The following RHPN1 variants were observed in gnomAD, a reference collection of about 807,000 sequenced individuals.
RHPN1 encodes the protein rhophilin-1.
Under a neutral mutation model 74.7 loss-of-function variants are expected in RHPN1, and 77 were observed. The observed-to-expected ratio is 1.03, with a 90% confidence interval of 0.86 to 1.25. The LOEUF is 1.25. Ranked by LOEUF, RHPN1 falls within the 50% of genes most tolerant of loss-of-function variation. The pLI is 0.00. For missense variants in RHPN1, 987 were observed against 932.2 expected (o/e 1.06, Z -0.77); for synonymous variants, 444 against 414.5 (o/e 1.07, Z -0.87).
upstream of RHPN1, among the ~76,000 whole-genome samples, chr8:143,365,463 G>A (rs1165815132): frequency 6.6e-6 from 1 of 152,154 alleles, no homozygotes; most frequent in African/African-American, 2.4e-5. Context: ...AGCTTGACCG[G>A]GCTCTGCAGA....
intron 2 of RHPN1, 93 bp downstream of exon 2, chr8:143,375,761 G>A (rs1047190004): frequency 6.7e-6 from 6 of 899,912 alleles, no homozygotes; most frequent in South Asian, 1.6e-5. Flanking sequence ...CCCCATGGCC[G>A]GGTCACAGAG....
intron 3 of RHPN1, among the ~76,000 whole-genome samples, 159 bp downstream of exon 3, chr8:143,376,812 GTGTC>G (rs1487569372): frequency 7.3e-5 from 11 of 150,330 alleles, no homozygotes; most frequent in South Asian, 4.2e-4. Flanking sequence ...CTGTGCGCGT[GTGTC>G]TGTGTGCATG....
Position 143,368,937 on chromosome 8 carries a change from G to A in RHPN1, c.-51G>A. 7.2e-7 allele frequency: 1 copy of A among 1,392,806 alleles called. No individual in the cohort carries two copies. The highest frequency in any genetic ancestry group is 1.5e-5 in the African/African-American group (1 of 65,636). The allele number at this position is 1,392,806 out of a possible 1,614,324, so 86.3% of individuals were successfully genotyped here. ...CTAGCCCGGCTGCGGAGCGCTGCGCGAGCGGCGGGCTGGCTGACCCCGAGG... is the reference window on the plus strand; with the variant it reads ...CTAGCCCGGCTGCGGAGCGCTGCGCAAGCGGCGGGCTGGCTGACCCCGAGG... On this transcript the variant is annotated 5_prime_UTR_variant, in exon 1 of 15. Transcript: ENST00000289013.
At chr8:143,368,834 G>C, upstream of RHPN1, 1 of 401,054 alleles carries the variant, frequency 2.5e-6, no homozygotes. Flanking sequence ...CGCGCCGCGG[G>C]CCGCCCCCAC....
intron 1 of RHPN1, among the ~76,000 whole-genome samples, chr8:143,369,835 G>A (rs1363703171): frequency 6.6e-6 from 1 of 152,258 alleles, no homozygotes; most frequent in East Asian, 1.9e-4. Context: ...CCTCTGGGAC[G>A]TCAGACTGTG....
chr8:143,368,631 A>G (rs542648448), upstream of RHPN1: 7 of 175,970 alleles, frequency 4.0e-5, no homozygotes, highest in Non-Finnish European at 7.2e-5. Flanking sequence ...CATGCGCAGT[A>G]CAACCTGCCA....
In RHPN1 at chr8:143,380,058, C is replaced by T; in HGVS notation, c.1103-4C>T. 1 of 1,544,314 alleles carries T rather than the reference C, an allele frequency of 6.5e-7. No individual in the cohort carries two copies. The highest frequency in any genetic ancestry group is 8.7e-7 in the Non-Finnish European group (1 of 1,144,092). On this transcript the variant is annotated splice_polypyrimidine_tract_variant and splice_region_variant and intron_variant, in intron 9 of 14. Coordinates refer to ENST00000289013, the MANE Select transcript of RHPN1 (RefSeq NM_052924.3). ...GCAGGGCTCACAGCCTCTCTGTCCC[C>T]CAGCAGCGACCGAGGGAGAGCTCCC...
At position 143,369,360 on chromosome 8, in the gene RHPN1, C is replaced by G. The variant is rs988398756; in HGVS notation, c.60+313C>G. ...GGGGCTGGGCTCTGTGAGCGCCCTC[C>G]CCACACCCGCCATCGTGTTCCTTTC... is the stretch of plus-strand genomic sequence containing the variant. On this transcript the variant is annotated intron_variant, in intron 1 of 14. Transcript: ENST00000289013. Among the ~76,000 whole-genome samples the G allele has an allele frequency of 7.2e-5, 11 of 152,320 alleles. No individual in the cohort carries two copies. In the South Asian group the frequency reaches 1.7e-3, roughly 23 times the overall value.
intron 1 of RHPN1, chr8:143,374,076 A>G (rs1039158694): frequency 1.0e-6 from 1 of 964,500 alleles, no homozygotes; most frequent in African/African-American, 1.8e-5. Context: ...TAATGGGAAT[A>G]AACTAATTAA....
At chr8:143,368,815 C>T (rs2130524156), upstream of RHPN1, 2 of 364,626 alleles carry the variant, frequency 5.5e-6, no homozygotes, top group East Asian at 8.8e-5. Context: ...GACCCGTGCC[C>T]CGCCCAGCCG....
In RHPN1 at chr8:143,380,145, C is replaced by T. The variant is rs1818613455; in HGVS notation, c.1186C>T (p.Pro396Ser). The T allele has an allele frequency of 6.5e-7, 1 of 1,548,116 alleles. No homozygotes were observed. The highest frequency in any genetic ancestry group is 8.7e-7 in the Non-Finnish European group (1 of 1,147,106). Residue 396 changes from proline to serine, a missense_variant, in exon 10 of 15, where the codon CCG becomes TCG. Physicochemically the swap from Pro to Ser is moderately conservative, Grantham distance 74. Transcript: ENST00000289013. ...CTCTAAGCCCCGAGGCCCTGTGCTG[C>T]CGCAGGAGCTGGAGGAGCGCAGGCA... is the stretch of plus-strand genomic sequence containing the variant. ...TSSKPRGPVL[P>S]QELEERRQLG...
upstream of RHPN1, chr8:143,368,867 G>C (rs373851258): frequency 1.1e-4 from 68 of 605,928 alleles, 1 homozygote; most frequent in East Asian, 1.1e-3. Context: ...GTCGGGGACC[G>C]GCGCGGGCAC....
intron 7 of RHPN1, 58 bp downstream of exon 7, chr8:143,379,136 C>G (rs967266321): frequency 2.1e-6 from 3 of 1,440,380 alleles, no homozygotes; most frequent in Non-Finnish European, 2.7e-6. Flanking sequence ...TTGCAGAGCC[C>G]CTTTTGCAGG....
rs1439918605 is a variant in RHPN1, at chr8:143,368,959, G to T, written c.-29G>T. On this transcript the variant is annotated 5_prime_UTR_variant, in exon 1 of 15. Transcript: ENST00000289013. ...CGCGAGCGGCGGGCTGGCTGACCCCGAGGGACCCCCAGCGCAGCGGGTGCG... is the reference window on the plus strand; with the variant it reads ...CGCGAGCGGCGGGCTGGCTGACCCCTAGGGACCCCCAGCGCAGCGGGTGCG... 4.8e-6 allele frequency: 7 copies of T among 1,459,600 alleles called. No individual in the cohort carries two copies. The highest frequency in any genetic ancestry group is 5.4e-6 in the Non-Finnish European group (6 of 1,112,710). 90.4% of individuals were successfully genotyped at this position (1,459,600 alleles called of 1,614,324 possible). A position where few individuals can be genotyped will look rare whatever the true frequency, so the allele number is the denominator to read the frequency against.
rs75112427 is a variant in RHPN1, at chr8:143,383,331, G to A, written c.*680G>A. 5,910 of 152,712 alleles carry A rather than the reference G, an allele frequency of 0.039. 326 individuals carry two copies. Among genetic ancestry groups the A allele is most frequent in the African/African-American group, 0.13 (5,570 of 41,542 alleles). The allele number at this position is 152,712 out of a possible 1,614,324, so 9.5% of individuals were successfully genotyped here. A position where few individuals can be genotyped will look rare whatever the true frequency, so the allele number is the denominator to read the frequency against. On this transcript the variant is annotated 3_prime_UTR_variant, in exon 15 of 15. Coordinates refer to ENST00000289013, the MANE Select transcript of RHPN1 (RefSeq NM_052924.3). ...CCTAAGCCTGCCAGCCCTGCTGCCC[G>A]CCTTGCTGTCCTGCTCTGAGCATGG...
Position 143,379,408 on chromosome 8 carries a change from C to T in RHPN1, c.845C>T (p.Ala282Val). 6.3e-7 allele frequency: 1 copy of T among 1,588,458 alleles called. No homozygotes were observed. Among genetic ancestry groups the T allele is most frequent in the Admixed American group, 1.8e-5 (1 of 57,058 alleles). Residue 282 changes from alanine to valine, a missense_variant, in exon 8 of 15, where the codon GCC becomes GTC. Coordinates refer to ENST00000289013, the MANE Select transcript of RHPN1 (RefSeq NM_052924.3). ...SLCALEQLMM[A>V]QAQECVFEGL... ...TGCGCACTGGAGCAGCTCATGATGGCCCAGGCCCAGGAATGTGTGTTTGAG... is the reference window on the plus strand; with the variant it reads ...TGCGCACTGGAGCAGCTCATGATGGTCCAGGCCCAGGAATGTGTGTTTGAG...
At chr8:143,370,501 G>T (rs532819087) in intron 1 of RHPN1, among the ~76,000 whole-genome samples, 1 of 152,328 alleles carries the variant, frequency 6.6e-6, no homozygotes, top group East Asian at 1.9e-4. Context: ...AGAGTTCAGT[G>T]GGTCAGGGGT....
upstream of RHPN1, among the ~76,000 whole-genome samples, chr8:143,366,169 G>A (rs911113817): frequency 8.6e-5 from 13 of 151,854 alleles, no homozygotes; most frequent in Admixed American, 2.0e-4. Context: ...AAGAGAAAAC[G>A]AGCATAAAGC....
At chr8:143,379,645 G>T in intron 8 of RHPN1, 137 bp downstream of exon 8, 1 of 1,444,972 alleles carries the variant, frequency 6.9e-7, no homozygotes, top group Non-Finnish European at 9.1e-7. Flanking sequence ...TGCTCCCTGG[G>T]GGGGCTGGTC....
Sources: allele counts gnomAD v4.1 joint callset (sites outside exome capture counted in the v4.1 genomes callset), GRCh38; gene constraint gnomAD v4.1.1; transcripts MANE v1.5; gene names NCBI Gene and HGNC (gene_info 2026-07-23, HGNC 2026-07-21).